The following NXN variants were observed in gnomAD, a reference collection of about 807,000 sequenced individuals.
NXN encodes nucleoredoxin 1.
A neutral mutation model predicts 48.6 loss-of-function variants in NXN; 16 were observed. The observed-to-expected ratio is 0.33, with a 90% CI of 0.22 to 0.50. The LOEUF (loss-of-function observed/expected upper bound fraction) is 0.50, where lower values mean the gene tolerates loss of function less well. Among genes scored for constraint, NXN ranks in the 20% least tolerant of loss-of-function variants. NXN has a pLI of 0.98. For synonymous variants in NXN, 281 were observed against 269.6 expected, an observed-to-expected ratio of 1.04 and a Z score of -0.41; for missense variants, 492 against 605.5, an observed-to-expected ratio of 0.81 and a Z score of 1.97.
chr17:818,884 C>CAAAAAAAAAA (rs1229405533), intron 5 of NXN, among the ~76,000 whole-genome samples: 3 of 140,044 alleles, frequency 2.1e-5, no homozygotes, highest in African/African-American at 8.2e-5. Flanking sequence ...GACTCCGTCT[C>CAAAAAAAAAA]AAAAAAAAAA....
chr17:972,442 T>A (rs1348204322), intron 1 of NXN, among the ~76,000 whole-genome samples: 5 of 148,724 alleles, frequency 3.4e-5, no homozygotes, highest in Non-Finnish European at 4.5e-5. Flanking sequence ...GCGCCACTGC[T>A]CTCCAGCCTG....
At chr17:955,162 CTTT>C (rs749641262) in intron 1 of NXN, among the ~76,000 whole-genome samples, 2 of 125,180 alleles carry the variant, frequency 1.6e-5, no homozygotes, top group African/African-American at 3.2e-5. Context: ...TCATCTCTTT[CTTT>C]TTTTTTTTTT....
intron 1 of NXN, among the ~76,000 whole-genome samples, chr17:918,519 G>A (rs1161933116): frequency 2.0e-5 from 3 of 152,200 alleles, no homozygotes; most frequent in Middle Eastern, 3.4e-3. Flanking sequence ...GTTGAGGCCG[G>A]GCGCAGTGGC....
At chr17:833,126 C>T (rs548195511) in intron 1 of NXN, among the ~76,000 whole-genome samples, 34 of 152,220 alleles carry the variant, frequency 2.2e-4, no homozygotes, top group Middle Eastern at 3.4e-3. Context: ...CTCCTGACCT[C>T]GTGATCCGCC....
At chr17:832,891 C>T (rs188963998) in intron 1 of NXN, among the ~76,000 whole-genome samples, 19 of 152,054 alleles carry the variant, frequency 1.2e-4, no homozygotes, top group African/African-American at 3.6e-4. Context: ...TCACATCTGA[C>T]GCTTTTTATT....
chr17:852,695 T>C (rs942223045), intron 1 of NXN, among the ~76,000 whole-genome samples: 2 of 152,152 alleles, frequency 1.3e-5, no homozygotes, highest in Non-Finnish European at 2.9e-5. Context: ...GCCCGGGCTA[T>C]AGAGTGGGGC....
chr17:823,251 T>C (rs1912912983), intron 3 of NXN, among the ~76,000 whole-genome samples: 3 of 151,720 alleles, frequency 2.0e-5, no homozygotes, highest in African/African-American at 7.3e-5. Flanking sequence ...ATACAAAAAT[T>C]AGTCAGGCGT....
At chr17:918,332 C>T (rs894870228) in intron 1 of NXN, among the ~76,000 whole-genome samples, 3 of 152,088 alleles carry the variant, frequency 2.0e-5, no homozygotes, top group Non-Finnish European at 4.4e-5. Context: ...GCGGGAGGGT[C>T]GGAAGGAAAT....
intron 1 of NXN, among the ~76,000 whole-genome samples, chr17:901,122 T>C (rs1247154360): frequency 1.4e-4 from 22 of 152,066 alleles, no homozygotes; most frequent in Admixed American, 1.4e-3. Context: ...GGTTTCACCA[T>C]GTTGGCCAGG....
intron 1 of NXN, among the ~76,000 whole-genome samples, chr17:866,156 T>C (rs1213793405): frequency 6.6e-6 from 1 of 152,188 alleles, no homozygotes; most frequent in Non-Finnish European, 1.5e-5. Flanking sequence ...GCAGGTCGGC[T>C]ATGCCGATAG....
At chr17:948,507 T>C (rs4968131) in intron 1 of NXN, among the ~76,000 whole-genome samples, 90,517 of 151,932 alleles carry the variant, frequency 0.6, 27,411 homozygotes, top group Middle Eastern at 0.71. Flanking sequence ...CCACAGGCAC[T>C]GAGGGACGGC....
rs1003658000 is a variant in NXN, at chr17:823,658, C to T, written c.586G>A (p.Val196Met). 3.1e-6 allele frequency: 5 copies of T among 1,614,002 alleles called. No individual in the cohort carries two copies. The highest frequency in any genetic ancestry group is 2.7e-5 in the African/African-American group (2 of 74,912). Residue 196 changes from valine (V) to methionine (M), a missense_variant, in exon 3 of 8, where the codon GTG becomes ATG. Around this residue, in one of 3 missense-constraint regions of NXN, gnomAD observed 303 missense variants for 388.3 expected, o/e 0.78. Transcript: ENST00000336868. The stretch of plus-strand genomic sequence containing the variant: ...CAATGTGCGGAGAAATAGACGCCCA[C>T]GTGAGACCCCTCCAGGCTGCTGCTC... ...LESSSLEGSH[V>M]GVYFSAHWCP...
intron 1 of NXN, among the ~76,000 whole-genome samples, chr17:971,634 G>T (rs944346144): frequency 3.3e-5 from 5 of 151,632 alleles, no homozygotes; most frequent in Non-Finnish European, 7.4e-5. Flanking sequence ...GGCGTGAACC[G>T]GGAAGGCGGA....
At chr17:851,777 A>G (rs984877360) in intron 1 of NXN, among the ~76,000 whole-genome samples, 1 of 152,286 alleles carries the variant, frequency 6.6e-6, no homozygotes, top group Admixed American at 6.5e-5. Flanking sequence ...GAGAACCAGC[A>G]CCACTCGCCA....
intron 1 of NXN, among the ~76,000 whole-genome samples, chr17:955,207 A>C (rs1211895971): frequency 7.6e-6 from 1 of 131,632 alleles, no homozygotes; most frequent in Non-Finnish European, 1.5e-5. Context: ...TCGCTCTGTC[A>C]CCCAGGCTGG....
intron 5 of NXN, among the ~76,000 whole-genome samples, chr17:814,388 C>T (rs1912352505): frequency 6.6e-6 from 1 of 152,162 alleles, no homozygotes. Context: ...CAGGAAGGAA[C>T]TCCGTACCTC....
At chr17:892,470 C>T (rs545172470) in intron 1 of NXN, among the ~76,000 whole-genome samples, 4 of 152,304 alleles carry the variant, frequency 2.6e-5, no homozygotes, top group African/African-American at 7.2e-5. Flanking sequence ...CTTCTGCCCC[C>T]GCACAGCCAG....
chr17:808,639 T>C (rs28610525), intron 5 of NXN, among the ~76,000 whole-genome samples: 1,593 of 151,208 alleles, frequency 0.011, 38 homozygotes, highest in African/African-American at 0.037. Context: ...ATTGATATTG[T>C]AAGTATTCTA....
chr17:803,688 G>A lies in NXN; in HGVS notation c.1119C>T (p.Ala373=), dbSNP rs547654184. The A allele has an allele frequency of 2.2e-5, 36 of 1,614,114 alleles. No individual in the cohort carries two copies. The highest frequency in any genetic ancestry group is 5.0e-5 in the Admixed American group (3 of 60,016). ...GCCTCTCCTCCGCACTCACCTCCCC[G>A]GCTACGAAGAACAGAAGGGGTGCCT... ...EEEAPLLFFV[A]GEDDMTDSLR... Residue 373 remains alanine, a synonymous_variant, in exon 7 of 8, where the codon GCC becomes GCT. Coordinates refer to ENST00000336868, the MANE Select transcript of NXN (RefSeq NM_022463.5).
Sources: gnomAD v4.1 joint callset for allele counts (sites outside exome capture counted in the v4.1 genomes callset) on GRCh38, gnomAD v4.1.1 for gene constraint, gnomAD v4.1.1 regional missense constraint, MANE v1.5 for transcripts, NCBI Gene and HGNC (gene_info 2026-07-23, HGNC 2026-07-21) for gene names.